PLA2G2F: variants seen among roughly 807,000 people sequenced by gnomAD.
PLA2G2F encodes phospholipase A2 group IIF.
Under a neutral mutation model 15.9 loss-of-function variants are expected in PLA2G2F, and 17 were observed. That is an observed-to-expected ratio of 1.07 (90% CI 0.73 to 1.60). The LOEUF is 1.60. Among genes scored for constraint, PLA2G2F ranks in the 40% most tolerant of loss-of-function variants. The probability of loss-of-function intolerance (pLI) is 0.00; values close to 1 mark genes in which losing one functional copy is unlikely to be tolerated. For synonymous variants in PLA2G2F, 119 were observed against 106.5 expected, an observed-to-expected ratio of 1.12 and a Z score of -0.72; for missense variants, 299 against 278.2, an observed-to-expected ratio of 1.07 and a Z score of -0.53.
rs544200650 is a variant in PLA2G2F, at chr1:20,148,742, G to A, written c.*341G>A. On this transcript the variant is annotated 3_prime_UTR_variant, in exon 5 of 5. Coordinates refer to ENST00000375102, the MANE Select transcript of PLA2G2F (RefSeq NM_022819.4). ...GTTGCTGGCGCCAGTTTAACTCCCC[G>A]GAGCCTTAGAAAGTCTGAGCCTTAG... 6 of 310,340 alleles carry A rather than the reference G, an allele frequency of 1.9e-5. No homozygotes were observed. The highest frequency in any genetic ancestry group is 1.4e-4 in the East Asian group (2 of 14,766). 19.2% of individuals were successfully genotyped at this position (310,340 alleles called of 1,614,324 possible). A position where few individuals can be genotyped will look rare whatever the true frequency, so the allele number is the denominator to read the frequency against.
intron 2 of PLA2G2F, chr1:20,140,872 G>T (rs2017449531): frequency 6.6e-6 from 1 of 152,302 alleles, no homozygotes; most frequent in Admixed American, 6.5e-5. Context: ...TGTTGCGTGA[G>T]GCTCTTGACA....
chr1:20,146,028 A>C (rs1456848488), intron 4 of PLA2G2F, among the ~76,000 whole-genome samples: 1 of 152,230 alleles, frequency 6.6e-6, no homozygotes, highest in Non-Finnish European at 1.5e-5. Context: ...CTGATGCTCC[A>C]GTCCTGGAAT....
intron 4 of PLA2G2F, 141 bp from the exon 5 acceptor site, chr1:20,148,049 G>A: frequency 1.4e-6 from 1 of 701,588 alleles, no homozygotes. Context: ...GCCCGTGGGT[G>A]GTGCTGGTCC....
intron 2 of PLA2G2F, chr1:20,140,597 G>A: frequency 4.7e-6 from 1 of 213,764 alleles, no homozygotes; most frequent in Non-Finnish European, 9.5e-6. Context: ...ATGTGATGAT[G>A]TCTATGTGTG....
At position 20,143,499 on chromosome 1, in the gene PLA2G2F, G is replaced by A. The variant is rs370472527; in HGVS notation, c.223G>A (p.Val75Ile). 100 of 1,614,078 alleles carry A rather than the reference G, an allele frequency of 6.2e-5. 1 individual carries two copies. Among genetic ancestry groups the A allele is most frequent in the East Asian group, 5.3e-4 (24 of 44,860 alleles). Residue 75 changes from valine to isoleucine, a missense_variant, in exon 3 of 5, where the codon GTC becomes ATC. Coordinates refer to ENST00000375102, the MANE Select transcript of PLA2G2F (RefSeq NM_022819.4). ...CAACCTGAAGGCCATGGTGGAGGCCGTCACAGGGAGGAGCGCCATCCTGTC... is the reference window on the plus strand; with the variant it reads ...CAACCTGAAGGCCATGGTGGAGGCCATCACAGGGAGGAGCGCCATCCTGTC... ...LLNLKAMVEA[V>I]TGRSAILSFV...
chr1:20,148,063 C>T lies in PLA2G2F; in HGVS notation c.425-127C>T, dbSNP rs112448080. ...GGCCCGTGGGTGGTGCTGGTCCTGCCGCCCAGGTAACACATTCCAAGGACC... is the reference window on the plus strand; with the variant it reads ...GGCCCGTGGGTGGTGCTGGTCCTGCTGCCCAGGTAACACATTCCAAGGACC... On this transcript the variant is annotated intron_variant, in intron 4 of 4. Coordinates refer to ENST00000375102, the MANE Select transcript of PLA2G2F (RefSeq NM_022819.4). 1,525 of 786,966 alleles carry T rather than the reference C, an allele frequency of 1.9e-3. 17 individuals are homozygous for T. The African/African-American group carries it at 0.021, about 11-fold the overall frequency. 48.7% of individuals were successfully genotyped at this position (786,966 alleles called of 1,614,324 possible).
Position 20,139,483 on chromosome 1 carries a change from G to A in PLA2G2F, c.56G>A (p.Arg19Lys). ...GGGTTCAAAAAGAAGGTGCTGGATA[G>A]ATGCTTCTCTGGGTGGAGGGGCCCA... ...PKGFKKKVLD[R>K]CFSGWRGPRF... The change falls in exon 1 of 5, where the codon AGA becomes AAA. Residue 19 changes from arginine to lysine, a missense_variant. Coordinates refer to ENST00000375102, the MANE Select transcript of PLA2G2F (RefSeq NM_022819.4). 1 of 1,583,638 alleles carries A rather than the reference G, an allele frequency of 6.3e-7. No homozygotes were observed. The highest frequency in any genetic ancestry group is 1.2e-5 in the South Asian group (1 of 86,480).
At chr1:20,145,528 C>T (rs903529420) in intron 4 of PLA2G2F, among the ~76,000 whole-genome samples, 3 of 152,064 alleles carry the variant, frequency 2.0e-5, no homozygotes, top group African/African-American at 7.2e-5. Flanking sequence ...GATCCACCCA[C>T]CTCGGCCTCC....
At chr1:20,141,840 C>T (rs951585432) in intron 2 of PLA2G2F, 15 of 152,270 alleles carry the variant, frequency 9.9e-5, no homozygotes, top group African/African-American at 3.6e-4. Context: ...TGTGCCAGGC[C>T]TCCAGCAGGG....
rs1445632091 is a variant in PLA2G2F, at chr1:20,148,226, G to A, written c.461G>A (p.Cys154Tyr). ...AAGACAGAGTGTGACAAGCAGACAT[G>A]CATGTGTGACAAGAACATGGTTCTG... ...LNKTECDKQT[C>Y]MCDKNMVLCL... Residue 154 changes from cysteine (C) to tyrosine (Y), a missense_variant, in exon 5 of 5, where the codon TGC becomes TAC. Cys to Tyr is a radical substitution (Grantham distance 194). Transcript: ENST00000375102. The A allele has an allele frequency of 6.2e-7, 1 of 1,614,060 alleles. No individual in the cohort carries two copies. The highest frequency in any genetic ancestry group is 1.1e-5 in the South Asian group (1 of 91,076).
intron 3 of PLA2G2F, among the ~76,000 whole-genome samples, chr1:20,144,334 G>A (rs1233526814): frequency 1.3e-5 from 2 of 152,210 alleles, no homozygotes; most frequent in African/African-American, 4.8e-5. Context: ...AGACACAGGG[G>A]AGAATGTGTC....
Position 20,139,501 on chromosome 1 carries a change from G to A in PLA2G2F, c.74G>A (p.Arg25Lys). 6.3e-7 allele frequency: 1 copy of A among 1,579,298 alleles called. No homozygotes were observed. Among genetic ancestry groups the A allele is most frequent in the African/African-American group, 1.3e-5 (1 of 74,166 alleles). ...KVLDRCFSGWRGPRFGASCPS... is the reference protein window; with the variant it reads ...KVLDRCFSGWKGPRFGASCPS... ...CTGGATAGATGCTTCTCTGGGTGGA[G>A]GGGCCCACGCTTCGGGGCCTCCTGT... Residue 25 changes from arginine (R) to lysine (K), a missense_variant, in exon 1 of 5, where the codon AGG (arginine) becomes AAG (lysine). By Grantham distance (26) the Arg-to-Lys change is conservative. Coordinates refer to ENST00000375102, the MANE Select transcript of PLA2G2F (RefSeq NM_022819.4).
At chr1:20,143,135 T>C (rs2017509602) in intron 2 of PLA2G2F, 1 of 278,306 alleles carries the variant, frequency 3.6e-6, no homozygotes, top group Non-Finnish European at 6.8e-6. Context: ...GAGCACTCAA[T>C]GGATTCATGC....
Position 20,143,484 on chromosome 1 carries a change from G to A in PLA2G2F, c.208G>A (p.Ala70Thr), listed in dbSNP as rs564170392. 8 of 1,614,076 alleles carry A rather than the reference G, an allele frequency of 5.0e-6. No individual in the cohort carries two copies. In the South Asian group the frequency reaches 7.7e-5, roughly 16 times the overall value. ...TCACGGCAGCCTGCTCAACCTGAAG[G>A]CCATGGTGGAGGCCGTCACAGGGAG... is the stretch of plus-strand genomic sequence containing the variant. Reference protein sequence around the residue: ...TAHGSLLNLKAMVEAVTGRSA... With the variant: ...TAHGSLLNLKTMVEAVTGRSA... Residue 70 changes from alanine (A) to threonine (T), a missense_variant, in exon 3 of 5, where the codon GCC (alanine) becomes ACC (threonine). Coordinates refer to ENST00000375102, the MANE Select transcript of PLA2G2F (RefSeq NM_022819.4).
At position 20,140,148 on chromosome 1, in the gene PLA2G2F, G is replaced by A; in HGVS notation, c.117-18G>A. On this transcript the variant is annotated intron_variant, in intron 1 of 4. Transcript: ENST00000375102. Reference sequence around the variant, plus strand: ...GTGGAGGGGATGGACTCAAGCTCCGGGTTTCGTCCTCCCTCAGGTCTAGCC... The same window carrying A: ...GTGGAGGGGATGGACTCAAGCTCCGAGTTTCGTCCTCCCTCAGGTCTAGCC... 5 of 1,613,324 alleles carry A rather than the reference G, an allele frequency of 3.1e-6. No individual in the cohort carries two copies. The highest frequency in any genetic ancestry group is 4.2e-6 in the Non-Finnish European group (5 of 1,179,474).
chr1:20,141,182 TG>T (rs898604232), intron 2 of PLA2G2F: 1 of 152,254 alleles, frequency 6.6e-6, no homozygotes, highest in Non-Finnish European at 1.5e-5. Flanking sequence ...AATGCGGACT[TG>T]GATTCCTTCG....
In PLA2G2F at chr1:20,148,331, G is replaced by A. The variant is rs768632087; in HGVS notation, c.566G>A (p.Ser189Asn). The A allele has an allele frequency of 2.5e-6, 4 of 1,614,118 alleles. No homozygotes were observed. Among genetic ancestry groups the A allele is most frequent in the Middle Eastern group, 1.6e-4 (1 of 6,062 alleles). ...VYCQGPTPNC[S>N]IYEPPPEEVT... ...TGCCAGGGCCCCACGCCCAACTGCA[G>A]CATCTATGAACCGCCCCCTGAGGAG... The change falls in exon 5 of 5, where the codon AGC becomes AAC. Residue 189 changes from serine (S) to asparagine (N), a missense_variant. Ser to Asn is a conservative substitution (Grantham distance 46). Coordinates refer to ENST00000375102, the MANE Select transcript of PLA2G2F (RefSeq NM_022819.4).
intron 2 of PLA2G2F, chr1:20,143,153 A>AG: frequency 3.1e-6 from 1 of 319,528 alleles, no homozygotes; most frequent in Non-Finnish European, 5.8e-6. Flanking sequence ...TGCACATGGA[A>AG]GGGGCTTGGG....
chr1:20,143,442 G>A lies in PLA2G2F; in HGVS notation c.170-4G>A, dbSNP rs998501172. The A allele has an allele frequency of 6.2e-7, 1 of 1,613,216 alleles. No homozygotes were observed. Among genetic ancestry groups the A allele is most frequent in the South Asian group, 1.1e-5 (1 of 91,044 alleles). ...GCTCAGAGCACCCCCTGGTTCTCTT[G>A]CAGTTCTGTCCACAGCTCACGGCAG... is the stretch of plus-strand genomic sequence containing the variant. On this transcript the variant is annotated splice_region_variant and splice_polypyrimidine_tract_variant and intron_variant, in intron 2 of 4. Coordinates refer to ENST00000375102, the MANE Select transcript of PLA2G2F (RefSeq NM_022819.4).
Sources: allele counts gnomAD v4.1 joint callset (sites outside exome capture counted in the v4.1 genomes callset), GRCh38; gene constraint gnomAD v4.1.1; transcripts MANE v1.5; gene names NCBI Gene and HGNC (gene_info 2026-07-23, HGNC 2026-07-21).